Variants in FHOD3 observed in about 807,000 individuals in gnomAD.
FHOD3 encodes formin homology 2 domain containing 3, also known as FH1/FH2 domain-containing protein 3.
In FHOD3, 90 loss-of-function variants were observed where a neutral mutation model predicts 173.0. The ratio of observed to expected loss-of-function variants is 0.52; its 90% CI spans 0.44 to 0.62. The LOEUF is 0.62. FHOD3 is among the 20% of genes least tolerant of loss of function. The pLI is 0.00. For synonymous variants in FHOD3, 828 were observed against 823.0 expected (o/e 1.01, Z -0.10); for missense variants, 1,945 against 2,034.7 (o/e 0.96, Z 0.85).
At chr18:36,347,166 T>C (rs1375006557) in intron 1 of FHOD3, among the ~76,000 whole-genome samples, 2 of 152,210 alleles carry the variant, frequency 1.3e-5, no homozygotes, top group African/African-American at 4.8e-5. Context: ...AACATAGTGT[T>C]GATACGATTT....
chr18:36,649,329 G>A lies in FHOD3; in HGVS notation c.1210G>A (p.Glu404Lys). 1 of 1,535,788 alleles carries A rather than the reference G, an allele frequency of 6.5e-7. No homozygotes were observed. The highest frequency in any genetic ancestry group is 8.7e-7 in the Non-Finnish European group (1 of 1,146,706). ...RDLREKEEEEEEEQPITEPSS... is the reference protein window; with the variant it reads ...RDLREKEEEEKEEQPITEPSS... ...GCTTTGTCTCAGGGAGGAGGAGGAGGAAGAGGAGCAGCCAATCACGGAGCC... is the reference window on the plus strand; with the variant it reads ...GCTTTGTCTCAGGGAGGAGGAGGAGAAAGAGGAGCAGCCAATCACGGAGCC... The change falls in exon 11 of 29, where the codon GAA (glutamate) becomes AAA (lysine). Residue 404 changes from glutamate to lysine, a missense_variant. By Grantham distance (56) the Glu-to-Lys change is moderately conservative. Coordinates refer to ENST00000590592, the MANE Select transcript of FHOD3 (RefSeq NM_001281740.3).
At chr18:36,380,029 G>A (rs1377513291) in intron 3 of FHOD3, among the ~76,000 whole-genome samples, 1 of 152,084 alleles carries the variant, frequency 6.6e-6, no homozygotes, top group Non-Finnish European at 1.5e-5. Flanking sequence ...CAACATTTCT[G>A]TTGTATTAGA....
chr18:36,767,679 G>T (rs960118024), intron 27 of FHOD3, among the ~76,000 whole-genome samples: 4 of 152,186 alleles, frequency 2.6e-5, no homozygotes. Context: ...TTATGTACAT[G>T]CAGGTGACAG....
chr18:36,382,900 T>G (rs1055147884), intron 3 of FHOD3, among the ~76,000 whole-genome samples: 4 of 152,218 alleles, frequency 2.6e-5, no homozygotes, highest in Non-Finnish European at 5.9e-5. Context: ...TTTCCCTAGG[T>G]TTGACTGTTT....
At chr18:36,461,343 T>C (rs78437361) in intron 3 of FHOD3, among the ~76,000 whole-genome samples, 2,302 of 152,274 alleles carry the variant, frequency 0.015, 60 homozygotes, top group African/African-American at 0.052. Context: ...AAAGGATTTT[T>C]TTCATTCCAT....
chr18:36,434,040 G>A (rs757662853), intron 3 of FHOD3, among the ~76,000 whole-genome samples: 5 of 152,106 alleles, frequency 3.3e-5, no homozygotes, highest in African/African-American at 1.2e-4. Context: ...AGCCACTGGC[G>A]ATTGCTGATA....
intron 4 of FHOD3, among the ~76,000 whole-genome samples, chr18:36,505,285 T>C (rs2055246025): frequency 1.3e-5 from 2 of 152,222 alleles, no homozygotes; most frequent in South Asian, 4.1e-4. Context: ...AATGAAGCTG[T>C]TGGAGAAACT....
At chr18:36,516,845 C>T (rs1043734935) in intron 5 of FHOD3, among the ~76,000 whole-genome samples, 6 of 152,204 alleles carry the variant, frequency 3.9e-5, no homozygotes, top group Non-Finnish European at 7.3e-5. Flanking sequence ...CATGAAGCCA[C>T]CTGAGGAGCT....
chr18:36,469,324 C>T (rs146815995), intron 3 of FHOD3, among the ~76,000 whole-genome samples: 1,841 of 152,226 alleles, frequency 0.012, 37 homozygotes, highest in African/African-American at 0.042. Flanking sequence ...TTAAGGGGCA[C>T]GTGTAAACCA....
chr18:36,730,397 A>G (rs955324408), intron 19 of FHOD3, among the ~76,000 whole-genome samples: 1 of 152,136 alleles, frequency 6.6e-6, no homozygotes, highest in South Asian at 2.1e-4. Context: ...CATTTTCCCA[A>G]TTGAAGGAAA....
chr18:36,327,121 C>G (rs1199276039), intron 1 of FHOD3, among the ~76,000 whole-genome samples: 2 of 152,200 alleles, frequency 1.3e-5, no homozygotes, highest in South Asian at 2.1e-4. Context: ...AGGAGGCTCT[C>G]CAAGGCAGCT....
At chr18:36,750,407 T>C (rs897489811) in intron 24 of FHOD3, among the ~76,000 whole-genome samples, 1 of 152,240 alleles carries the variant, frequency 6.6e-6, no homozygotes, top group East Asian at 1.9e-4. Flanking sequence ...ATGCATAGTG[T>C]GCAAAAATTT....
At chr18:36,576,567 C>T (rs374078141) in intron 6 of FHOD3, 22 bp downstream of exon 6, 2 of 1,570,686 alleles carry the variant, frequency 1.3e-6, no homozygotes, top group Admixed American at 1.8e-5. Context: ...TTATGGTTGA[C>T]TGTTTTGTTC....
chr18:36,378,430 G>A (rs1056159240), intron 3 of FHOD3, among the ~76,000 whole-genome samples: 3 of 151,872 alleles, frequency 2.0e-5, no homozygotes, highest in Non-Finnish European at 4.4e-5. Flanking sequence ...ATCCCAAGGC[G>A]TGCATGTGTC....
At chr18:36,706,419 A>C (rs569191576) in intron 17 of FHOD3, among the ~76,000 whole-genome samples, 1 of 152,188 alleles carries the variant, frequency 6.6e-6, no homozygotes, top group African/African-American at 2.4e-5. Context: ...ATACCACCCC[A>C]GTGGTTGAAA....
chr18:36,553,700 C>G (rs936648016), intron 5 of FHOD3, among the ~76,000 whole-genome samples: 3 of 152,040 alleles, frequency 2.0e-5, no homozygotes, highest in African/African-American at 7.3e-5. Flanking sequence ...AAACAGGCAA[C>G]CCACAGAATG....
chr18:36,671,642 A>G (rs1281109815), intron 14 of FHOD3, among the ~76,000 whole-genome samples: 1 of 152,266 alleles, frequency 6.6e-6, no homozygotes, highest in Non-Finnish European at 1.5e-5. Flanking sequence ...GAAAAAAGCA[A>G]CACGAAAGTG....
chr18:36,752,063 C>T (rs1020558842), intron 24 of FHOD3, among the ~76,000 whole-genome samples: 15 of 152,154 alleles, frequency 9.9e-5, no homozygotes, highest in Admixed American at 3.3e-4. Context: ...CTTCACATAA[C>T]GGCAGCAAGG....
intron 18 of FHOD3, chr18:36,710,185 C>G (rs114889033): frequency 1.3e-5 from 2 of 152,194 alleles, no homozygotes; most frequent in African/African-American, 4.8e-5. Flanking sequence ...TTATAGGAAT[C>G]GTGAATAATT....
Sources: allele counts gnomAD v4.1 joint callset (sites outside exome capture counted in the v4.1 genomes callset), GRCh38; gene constraint gnomAD v4.1.1; transcripts MANE v1.5; gene names NCBI Gene and HGNC (gene_info 2026-07-23, HGNC 2026-07-21).